The following KCNA6 variants were observed in gnomAD, a reference collection of about 807,000 sequenced individuals.
The protein encoded by KCNA6 is potassium voltage-gated channel subfamily A member 6.
In KCNA6, 17 loss-of-function variants were observed where a neutral mutation model predicts 29.5. That is an observed-to-expected ratio of 0.58 (90% CI 0.39 to 0.86). KCNA6 has a LOEUF of 0.86. Ranked by LOEUF, KCNA6 falls within the 40% of genes least tolerant of loss-of-function variation. The pLI, the probability that KCNA6 is intolerant of heterozygous loss-of-function variation, is 0.00. For synonymous variants in KCNA6, 296 were observed against 304.7 expected (o/e 0.97, Z 0.30); for missense variants, 450 against 703.4 (o/e 0.64, Z 4.07).
In KCNA6 at chr12:4,810,152, C is replaced by G. The variant is rs1292742889; in HGVS notation, c.111C>G (p.Cys37Trp). 1 of 1,607,984 alleles carries G rather than the reference C, an allele frequency of 6.2e-7. No individual in the cohort carries two copies. The highest frequency in any genetic ancestry group is 8.5e-7 in the Non-Finnish European group (1 of 1,177,878). Residue 37 changes from cysteine to tryptophan, a missense_variant, in exon 1 of 1, where the codon TGC (cysteine) becomes TGG (tryptophan). Around this residue, in one of 7 missense-constraint regions of KCNA6, gnomAD observed 72 missense variants for 64.2 expected, o/e 1.12. Coordinates refer to ENST00000280684, the Ensembl canonical transcript of KCNA6. This position sits in a 1 kb window ranked among gnomAD's most constrained non-coding sequence, Gnocchi z 7.5. Reference sequence around the variant, plus strand: ...CGGAGGCCGGCGGGGGCGGGGGCTGCTGTAGTAGCGAGCGGCTGGTGATCA... The same window carrying G: ...CGGAGGCCGGCGGGGGCGGGGGCTGGTGTAGTAGCGAGCGGCTGGTGATCA...
At chr12:4,841,862 C>T in the KCNA6 span, among the ~76,000 whole-genome samples, 2 of 152,094 alleles carry the variant, frequency 1.3e-5, no homozygotes, top group Non-Finnish European at 2.9e-5. Flanking sequence ...GTTATTTAAA[C>T]CAAAGCAATA....
chr12:4,833,209 T>TA, the KCNA6 span, among the ~76,000 whole-genome samples: 13 of 152,222 alleles, frequency 8.5e-5, no homozygotes, highest in Admixed American at 6.5e-4. Flanking sequence ...CATTACTTTA[T>TA]AGCTCCCAAT....
At position 4,811,856 on chromosome 12, in the gene KCNA6, T is replaced by C. The variant is rs1213785926; in HGVS notation, c.*225T>C. The C allele has an allele frequency of 8.9e-6, 5 of 559,894 alleles. No individual in the cohort carries two copies. The highest frequency in any genetic ancestry group is 3.4e-5 in the Admixed American group (1 of 29,508). 34.7% of individuals were successfully genotyped at this position (559,894 alleles called of 1,614,324 possible). The stretch of plus-strand genomic sequence containing the variant: ...AGTGACATTTTTGAAATTCCAGCGG[T>C]GCCACCCAATCATGCCCAGCTTCTG... On this transcript the variant is annotated 3_prime_UTR_variant, in exon 1 of 1. Transcript: ENST00000280684. The surrounding 1 kb of genome is among the most constrained non-coding windows in gnomAD (Gnocchi z 7.1).
At chr12:4,813,088 T>C (rs1168133263) in exon 1 of KCNA6, 1 of 167,076 alleles carries the variant, frequency 6.0e-6, no homozygotes, top group African/African-American at 2.4e-5. Flanking sequence ...AACATGTTTT[T>C]AATTTTATAT....
chr12:4,837,067 T>A, the KCNA6 span, among the ~76,000 whole-genome samples: 1 of 152,082 alleles, frequency 6.6e-6, no homozygotes, highest in East Asian at 1.9e-4. Context: ...GAACTTTCAA[T>A]CCTGCCCCCC....
chr12:4,849,625 C>T, the KCNA6 span, among the ~76,000 whole-genome samples: 9,871 of 151,442 alleles, frequency 0.065, 536 homozygotes, highest in East Asian at 0.26. Flanking sequence ...AGGCAAACTG[C>T]TGTCCTGAGC....
chr12:4,811,597 C>CTT lies in KCNA6; in HGVS notation c.1556_1557insTT (p.Tyr520SerfsTer29). ...AGCTACCTTCCTACACCACATCGGG[C>CTT]CTATGCAGAGAAAAGAATGCTCACG... On this transcript the variant is annotated frameshift_variant, in exon 1 of 1. Transcript: ENST00000280684. LOFTEE classifies it high-confidence loss of function. The surrounding 1 kb of genome is among the most constrained non-coding windows in gnomAD (Gnocchi z 7.1). 1.9e-6 allele frequency: 3 copies of CTT among 1,614,058 alleles called. No homozygotes were observed. The highest frequency in any genetic ancestry group is 2.5e-6 in the Non-Finnish European group (3 of 1,179,958).
At chr12:4,846,781 T>A in the KCNA6 span, among the ~76,000 whole-genome samples, 4 of 73,144 alleles carry the variant, frequency 5.5e-5, no homozygotes, top group Non-Finnish European at 8.7e-5. Context: ...TTTTTTTTTT[T>A]TTTTTTTTTT....
At chr12:4,823,223 C>A in the KCNA6 span, among the ~76,000 whole-genome samples, 1 of 152,002 alleles carries the variant, frequency 6.6e-6, no homozygotes, top group Non-Finnish European at 1.5e-5. Context: ...GAAGTGAGCC[C>A]TTTCACATTT....
the KCNA6 span, among the ~76,000 whole-genome samples, chr12:4,831,079 A>G: frequency 6.6e-6 from 1 of 152,150 alleles, no homozygotes; most frequent in Non-Finnish European, 1.5e-5. Flanking sequence ...TCTGCCAACA[A>G]AGCTGGTCTC....
the KCNA6 span, among the ~76,000 whole-genome samples, chr12:4,843,890 C>T: frequency 6.6e-6 from 1 of 152,144 alleles, no homozygotes; most frequent in Non-Finnish European, 1.5e-5. Context: ...CCACCAGGAC[C>T]TACCTCTAAT....
chr12:4,829,835 G>A, the KCNA6 span, among the ~76,000 whole-genome samples: 1 of 152,084 alleles, frequency 6.6e-6, no homozygotes, highest in Non-Finnish European at 1.5e-5. Context: ...TTTCACCATT[G>A]AACATCGTAA....
chr12:4,810,014 G>C lies in KCNA6; in HGVS notation c.-28G>C. 6.8e-7 allele frequency: 1 copy of C among 1,462,764 alleles called. No individual in the cohort carries two copies. Among genetic ancestry groups the C allele is most frequent in the Admixed American group, 2.7e-5 (1 of 37,158 alleles). The allele number at this position is 1,462,764 out of a possible 1,614,324, so 90.6% of individuals were successfully genotyped here. On this transcript the variant is annotated 5_prime_UTR_variant, in exon 1 of 1. Coordinates refer to ENST00000280684, the Ensembl canonical transcript of KCNA6. The surrounding 1 kb of genome is among the most constrained non-coding windows in gnomAD (Gnocchi z 7.5). The stretch of plus-strand genomic sequence containing the variant: ...AGATTGTGTCGTGGGCGCCGTCCTA[G>C]TGGCGGGGAGCGCACCTCCGAGGGG...
In KCNA6 at chr12:4,811,773, T is replaced by C. The variant is rs1384300285; in HGVS notation, c.*142T>C. 5.7e-6 allele frequency: 5 copies of C among 869,730 alleles called. No homozygotes were observed. Among genetic ancestry groups the C allele is most frequent in the South Asian group, 1.7e-5 (1 of 58,362 alleles). 53.9% of individuals were successfully genotyped at this position (869,730 alleles called of 1,614,324 possible). On this transcript the variant is annotated 3_prime_UTR_variant, in exon 1 of 1. Coordinates refer to ENST00000280684, the Ensembl canonical transcript of KCNA6. The surrounding 1 kb of genome is among the most constrained non-coding windows in gnomAD (Gnocchi z 7.1). ...CCACTACCTGGCATCCAGGACCAAA[T>C]ACCTGGACTATCAACCTTGTTGCTT...
chr12:4,834,008 AG>A, the KCNA6 span, among the ~76,000 whole-genome samples: 1 of 148,968 alleles, frequency 6.7e-6, no homozygotes, highest in South Asian at 2.1e-4. Flanking sequence ...GACTCTCTGT[AG>A]CCTTGATGTC....
At chr12:4,821,589 A>G in the KCNA6 span, among the ~76,000 whole-genome samples, 23,987 of 152,236 alleles carry the variant, frequency 0.16, 1,943 homozygotes, top group Non-Finnish European at 0.17. Flanking sequence ...GAGGTCCTCA[A>G]CTGTCACTTG....
At chr12:4,831,336 A>G in the KCNA6 span, among the ~76,000 whole-genome samples, 2 of 152,256 alleles carry the variant, frequency 1.3e-5, no homozygotes, top group Middle Eastern at 3.4e-3. Context: ...AGTCCTTCAC[A>G]ATAACTCGTT....
the KCNA6 span, among the ~76,000 whole-genome samples, chr12:4,837,569 T>G: frequency 6.6e-6 from 1 of 152,148 alleles, no homozygotes; most frequent in Non-Finnish European, 1.5e-5. Context: ...GGCTGGTATC[T>G]GCTGCAATTG....
At chr12:4,825,567 CA>C in the KCNA6 span, among the ~76,000 whole-genome samples, 2 of 152,312 alleles carry the variant, frequency 1.3e-5, no homozygotes, top group East Asian at 3.9e-4. Context: ...GACCCTCAGC[CA>C]TGAAAGGTTT....
Sources: allele counts gnomAD v4.1 joint callset (sites outside exome capture counted in the v4.1 genomes callset), GRCh38; gene constraint gnomAD v4.1.1; regional missense constraint gnomAD v4.1.1; non-coding constraint Gnocchi (gnomAD v3.1); transcripts MANE v1.5; gene names NCBI Gene and HGNC (gene_info 2026-07-23, HGNC 2026-07-21).